Variants in NCKAP5 observed in about 807,000 individuals in gnomAD.
NCKAP5 encodes NCK associated protein 5.
Under a neutral mutation model 167.0 loss-of-function variants are expected in NCKAP5, and 92 were observed. The observed-to-expected ratio is 0.55, with a 90% CI of 0.47 to 0.66. The LOEUF (loss-of-function observed/expected upper bound fraction) is 0.66, where lower values mean the gene tolerates loss of function less well. Ranked by LOEUF, NCKAP5 falls within the 30% of genes least tolerant of loss-of-function variation. The probability of loss-of-function intolerance (pLI) is 0.00; values close to 1 mark genes in which losing one functional copy is unlikely to be tolerated. For missense variants in NCKAP5, 2,378 were observed against 2,315.0 expected, an observed-to-expected ratio of 1.03 and a Z score of -0.56; for synonymous variants, 891 against 877.4, an observed-to-expected ratio of 1.02 and a Z score of -0.27.
intron 3 of NCKAP5, among the ~76,000 whole-genome samples, chr2:133,438,260 G>T (rs1375404656): frequency 6.6e-6 from 1 of 152,202 alleles, no homozygotes; most frequent in Non-Finnish European, 1.5e-5. Context: ...TCTTGCCAAT[G>T]TTGGGAATAT....
At chr2:133,281,095 T>C (rs35937557) in intron 4 of NCKAP5, among the ~76,000 whole-genome samples, 1 of 152,246 alleles carries the variant, frequency 6.6e-6, no homozygotes, top group African/African-American at 2.4e-5. Context: ...AGCACATACA[T>C]TGCTGCTGAA....
intron 6 of NCKAP5, among the ~76,000 whole-genome samples, chr2:133,033,427 T>C (rs537236931): frequency 3.3e-5 from 5 of 152,198 alleles, no homozygotes; most frequent in African/African-American, 1.2e-4. Context: ...CTAGAATGAA[T>C]ACCTAACTCT....
intron 3 of NCKAP5, among the ~76,000 whole-genome samples, chr2:133,402,638 G>A (rs1688174844): frequency 6.6e-6 from 1 of 152,062 alleles, no homozygotes; most frequent in South Asian, 2.1e-4. Context: ...CTCATTCTGA[G>A]TTCATATGGG....
chr2:132,958,027 C>T (rs2076393447), intron 8 of NCKAP5, among the ~76,000 whole-genome samples: 1 of 152,152 alleles, frequency 6.6e-6, no homozygotes, highest in African/African-American at 2.4e-5. Flanking sequence ...CCTATGTATA[C>T]ACATTGAAAA....
intron 16 of NCKAP5, among the ~76,000 whole-genome samples, chr2:132,765,467 A>G (rs1467079007): frequency 1.3e-5 from 2 of 151,820 alleles, no homozygotes; most frequent in East Asian, 1.9e-4. Context: ...GGCGCGTGGC[A>G]CCACGCGCAG....
At chr2:132,966,803 A>G (rs990220706) in intron 7 of NCKAP5, among the ~76,000 whole-genome samples, 10 of 152,206 alleles carry the variant, frequency 6.6e-5, no homozygotes, top group African/African-American at 2.4e-4. Context: ...GGCGCATCAC[A>G]GCCTGCATGT....
chr2:133,502,986 T>C (rs1171021412), intron 3 of NCKAP5, among the ~76,000 whole-genome samples: 2 of 152,162 alleles, frequency 1.3e-5, no homozygotes, highest in African/African-American at 2.4e-5. Flanking sequence ...TCACATCCAG[T>C]TGGGTGAGCC....
intron 5 of NCKAP5, among the ~76,000 whole-genome samples, chr2:133,130,563 T>C (rs1239952791): frequency 1.3e-5 from 2 of 152,198 alleles, no homozygotes; most frequent in Admixed American, 1.3e-4. Flanking sequence ...TTCAAGTTAA[T>C]TAGAATGTGA....
Position 133,300,006 on chromosome 2 carries a change from G to A in NCKAP5, c.143+3031C>T, listed in dbSNP as rs528796430. 9.5e-5 allele frequency among the ~76,000 whole-genome samples: 14 copies of A among 146,918 alleles called. No individual in the cohort carries two copies. The East Asian group carries it at 1.2e-3, about 13-fold the overall frequency. ...CAGAGAATACTACAAACACCTCTACGCAAATAAACTAGAAAATCTAGAAGA... is the reference window on the plus strand; with the variant it reads ...CAGAGAATACTACAAACACCTCTACACAAATAAACTAGAAAATCTAGAAGA... On this transcript the variant is annotated intron_variant, in intron 4 of 19. Transcript: ENST00000409261.
intron 19 of NCKAP5, among the ~76,000 whole-genome samples, chr2:132,701,689 G>A (rs1275732977): frequency 6.6e-6 from 1 of 152,162 alleles, no homozygotes; most frequent in East Asian, 1.9e-4. Context: ...TGCTGAACAT[G>A]GGGATTAAGA....
chr2:133,201,565 G>T (rs1262347493), intron 5 of NCKAP5, among the ~76,000 whole-genome samples: 1 of 152,120 alleles, frequency 6.6e-6, no homozygotes, highest in Non-Finnish European at 1.5e-5. Context: ...TGGGTATGTG[G>T]CTGACAAGAG....
At chr2:133,215,903 A>G (rs934474138) in intron 4 of NCKAP5, among the ~76,000 whole-genome samples, 1 of 152,190 alleles carries the variant, frequency 6.6e-6, no homozygotes, top group African/African-American at 2.4e-5. Flanking sequence ...TACACAACTT[A>G]TAAGTGAATT....
intron 6 of NCKAP5, among the ~76,000 whole-genome samples, chr2:133,009,837 A>G (rs1423617711): frequency 6.6e-6 from 1 of 151,876 alleles, no homozygotes; most frequent in Admixed American, 6.6e-5. Context: ...TGGGAGGCCG[A>G]GGTGGGTGGA....
intron 19 of NCKAP5, among the ~76,000 whole-genome samples, chr2:132,703,142 G>A (rs941439937): frequency 6.6e-6 from 1 of 152,024 alleles, no homozygotes; most frequent in African/African-American, 2.4e-5. Flanking sequence ...GATCATACTA[G>A]TACACTCTAG....
chr2:133,575,571 T>C, the NCKAP5 span, among the ~76,000 whole-genome samples: 1 of 152,224 alleles, frequency 6.6e-6, no homozygotes, highest in Non-Finnish European at 1.5e-5. Flanking sequence ...ACACTTCTTA[T>C]TTTATAAGAA....
intron 6 of NCKAP5, chr2:133,118,545 G>A (rs1261854294): frequency 6.6e-6 from 1 of 152,014 alleles, no homozygotes; most frequent in Non-Finnish European, 1.5e-5. Context: ...CACCTACTAT[G>A]TGCCAGGCTA....
chr2:133,119,637 G>A (rs1352890264), intron 6 of NCKAP5, among the ~76,000 whole-genome samples: 2 of 151,954 alleles, frequency 1.3e-5, no homozygotes, highest in East Asian at 3.9e-4. Flanking sequence ...AATATCACTT[G>A]CACTCCAAAA....
intron 3 of NCKAP5, among the ~76,000 whole-genome samples, chr2:133,407,531 C>T (rs577830828): frequency 7.4e-4 from 113 of 152,300 alleles, no homozygotes; most frequent in Admixed American, 2.4e-3. Flanking sequence ...TGTGTACCCT[C>T]TCCACGTGGT....
chr2:133,527,983 T>G (rs1040353541), intron 2 of NCKAP5, among the ~76,000 whole-genome samples: 4 of 152,130 alleles, frequency 2.6e-5, no homozygotes, highest in African/African-American at 9.7e-5. Context: ...GAGGACTGCT[T>G]AAGCCTGAGA....
Sources: gnomAD v4.1 joint callset for allele counts (sites outside exome capture counted in the v4.1 genomes callset) on GRCh38, gnomAD v4.1.1 for gene constraint, MANE v1.5 for transcripts, NCBI Gene and HGNC (gene_info 2026-07-23, HGNC 2026-07-21) for gene names.